PRKD1: variants seen among roughly 807,000 people sequenced by gnomAD.
PRKD1 encodes the protein protein kinase D1, also known as serine/threonine-protein kinase D1.
Under a neutral mutation model 95.9 loss-of-function variants are expected in PRKD1, and 63 were observed. That is an observed-to-expected ratio of 0.66 (90% CI 0.54 to 0.81). PRKD1 has a LOEUF of 0.81. Ranked by LOEUF, PRKD1 falls within the 30% of genes least tolerant of loss-of-function variation. The probability of loss-of-function intolerance (pLI) is 0.00; values close to 1 mark genes in which losing one functional copy is unlikely to be tolerated. For missense variants in PRKD1, 1,048 were observed against 1,165.3 expected (o/e 0.90, Z 1.47); for synonymous variants, 425 against 423.1 (o/e 1.00, Z -0.05).
chr14:29,805,366 A>G (rs1009256449), intron 1 of PRKD1, among the ~76,000 whole-genome samples: 2 of 152,232 alleles, frequency 1.3e-5, no homozygotes, highest in African/African-American at 4.8e-5. Flanking sequence ...TAACAGAGAA[A>G]AAGGCAACAC....
intron 1 of PRKD1, among the ~76,000 whole-genome samples, chr14:29,889,270 C>T (rs1164386967): frequency 2.0e-5 from 3 of 152,102 alleles, no homozygotes; most frequent in Non-Finnish European, 2.9e-5. Context: ...TAAAGATGGC[C>T]GAATAGGGAA....
At chr14:29,893,989 A>G (rs1420041927) in intron 1 of PRKD1, among the ~76,000 whole-genome samples, 1 of 152,246 alleles carries the variant, frequency 6.6e-6, no homozygotes, top group East Asian at 1.9e-4. Flanking sequence ...CTATGAGAGA[A>G]GAGAATCACT....
intron 4 of PRKD1, among the ~76,000 whole-genome samples, chr14:29,649,840 T>C (rs1257513855): frequency 6.6e-6 from 1 of 152,200 alleles, no homozygotes. Context: ...TTCCTCCCAG[T>C]AACGACACAG....
intron 4 of PRKD1, among the ~76,000 whole-genome samples, chr14:29,646,744 CA>C (rs1235901853): frequency 7.2e-6 from 1 of 139,534 alleles, no homozygotes. Context: ...AACAAACAAA[CA>C]AAAAACGAAA....
At chr14:29,898,147 G>T (rs901446155) in intron 1 of PRKD1, among the ~76,000 whole-genome samples, 1 of 151,988 alleles carries the variant, frequency 6.6e-6, no homozygotes, top group African/African-American at 2.4e-5. Context: ...GAAGTCAGTG[G>T]TATATCCCTC....
chr14:29,590,068 G>A (rs549178543), intron 16 of PRKD1, among the ~76,000 whole-genome samples: 1 of 152,224 alleles, frequency 6.6e-6, no homozygotes, highest in African/African-American at 2.4e-5. Flanking sequence ...GTGAGACTAA[G>A]TCTTTGGAAA....
At chr14:29,838,694 G>T (rs1294815579) in intron 1 of PRKD1, among the ~76,000 whole-genome samples, 7 of 151,858 alleles carry the variant, frequency 4.6e-5, no homozygotes, top group Admixed American at 3.9e-4. Flanking sequence ...TATATAAGAG[G>T]ATATATATAT....
chr14:29,637,592 A>G (rs577280742), intron 6 of PRKD1, among the ~76,000 whole-genome samples: 5 of 152,186 alleles, frequency 3.3e-5, no homozygotes, highest in Non-Finnish European at 5.9e-5. Flanking sequence ...GAACAAAGTC[A>G]ACACCACATG....
chr14:29,774,075 G>A (rs1249458199), intron 1 of PRKD1, among the ~76,000 whole-genome samples: 1 of 152,194 alleles, frequency 6.6e-6, no homozygotes, highest in Admixed American at 6.5e-5. Flanking sequence ...ATATCTAAAT[G>A]GATACTTGAA....
At chr14:29,629,115 T>C in intron 10 of PRKD1, 22 bp from the exon 11 acceptor site, 2 of 1,593,922 alleles carry the variant, frequency 1.3e-6, no homozygotes, top group Non-Finnish European at 1.7e-6. Context: ...TGTAAAACAA[T>C]ATGCACACAA....
At chr14:29,624,926 A>C (rs1470643428) in intron 12 of PRKD1, among the ~76,000 whole-genome samples, 3 of 152,194 alleles carry the variant, frequency 2.0e-5, no homozygotes, top group African/African-American at 4.8e-5. Flanking sequence ...CCAAGTTCTT[A>C]ACTTCTACAC....
At chr14:29,808,373 C>CTT (rs34250184) in intron 1 of PRKD1, among the ~76,000 whole-genome samples, 310 of 20,010 alleles carry the variant, frequency 0.015, 130 homozygotes, top group Middle Eastern at 0.11. Flanking sequence ...TCAGGCTCTA[C>CTT]TTTTTTTTTT....
At chr14:29,687,467 A>C (rs1185452281) in intron 2 of PRKD1, among the ~76,000 whole-genome samples, 2 of 152,192 alleles carry the variant, frequency 1.3e-5, no homozygotes, top group Non-Finnish European at 1.5e-5. Context: ...AGTTTTGTTA[A>C]CTTCTTCAAG....
intron 16 of PRKD1, among the ~76,000 whole-genome samples, chr14:29,594,824 T>C (rs1594346628): frequency 6.6e-6 from 1 of 152,132 alleles, no homozygotes; most frequent in East Asian, 1.9e-4. Context: ...TGGTCTTAAC[T>C]CCATTAAAAC....
At chr14:29,652,987 C>G (rs920286731) in intron 4 of PRKD1, 8 of 152,120 alleles carry the variant, frequency 5.3e-5, no homozygotes, top group Non-Finnish European at 1.0e-4. Context: ...CTGGTATTCT[C>G]GTTTTCATTT....
intron 1 of PRKD1, among the ~76,000 whole-genome samples, chr14:29,787,224 T>G (rs1039320959): frequency 1.3e-5 from 2 of 150,052 alleles, no homozygotes; most frequent in African/African-American, 4.9e-5. Context: ...TGTTTTTTTT[T>G]TTTTTTTTTT....
intron 1 of PRKD1, among the ~76,000 whole-genome samples, chr14:29,875,941 A>G (rs1167058180): frequency 6.6e-6 from 1 of 152,196 alleles, no homozygotes; most frequent in Admixed American, 6.5e-5. Context: ...CAGCAACAGA[A>G]TTCGTCAGAC....
At chr14:29,890,446 C>T (rs188568418) in intron 1 of PRKD1, among the ~76,000 whole-genome samples, 6 of 152,140 alleles carry the variant, frequency 3.9e-5, no homozygotes, top group Admixed American at 2.0e-4. Flanking sequence ...GAATAACAAA[C>T]GTGGCACAGT....
chr14:29,677,689 C>T (rs1206812056), intron 2 of PRKD1, among the ~76,000 whole-genome samples: 1 of 152,196 alleles, frequency 6.6e-6, no homozygotes, highest in East Asian at 1.9e-4. Context: ...ATTCTCCTGC[C>T]TCAGACTCCC....
Sources: gnomAD v4.1 joint callset for allele counts (sites outside exome capture counted in the v4.1 genomes callset) on GRCh38, gnomAD v4.1.1 for gene constraint, MANE v1.5 for transcripts, NCBI Gene and HGNC (gene_info 2026-07-23, HGNC 2026-07-21) for gene names.